AGPAT1: variants seen among roughly 807,000 people sequenced by gnomAD.
AGPAT1 encodes 1-acyl-sn-glycerol-3-phosphate acyltransferase alpha.
Under a neutral mutation model 31.2 loss-of-function variants are expected in AGPAT1, and 6 were observed. That is an observed-to-expected ratio of 0.19 (90% CI 0.11 to 0.38). The LOEUF (loss-of-function observed/expected upper bound fraction) is 0.38. Ranked by LOEUF, AGPAT1 falls within the 10% of genes least tolerant of loss-of-function variation. The probability of loss-of-function intolerance (pLI) is 1.00; values close to 1 mark genes in which losing one functional copy is unlikely to be tolerated. For missense variants in AGPAT1, 187 were observed against 377.8 expected, an observed-to-expected ratio of 0.49 and a Z score of 4.19; for synonymous variants, 139 against 154.0, an observed-to-expected ratio of 0.90 and a Z score of 0.72.
chr6:32,170,015 C>T lies in AGPAT1; in HGVS notation c.630G>A (p.Met210Ile), dbSNP rs776489092. The change falls in exon 6 of 7, where the codon ATG becomes ATA. Residue 210 changes from methionine (M) to isoleucine (I), a missense_variant. By Grantham distance (10) the Met-to-Ile change is conservative (BLOSUM62 1). Transcript: ENST00000375107. This position sits in a 1 kb window ranked among gnomAD's most constrained non-coding sequence, Gnocchi z 7.7. The part of the protein sequence containing the change: ...QAQVPIVPIV[M>I]SSYQDFYCKK... ...TGCAGTAGAAGTCTTGGTAGGAGGA[C>T]ATGACTATGGGGACAATGGGAACCT... 2 of 1,613,968 alleles carry T rather than the reference C, an allele frequency of 1.2e-6. No homozygotes were observed. The highest frequency in any genetic ancestry group is 1.1e-5 in the South Asian group (1 of 91,080).
chr6:32,174,578 T>C lies in AGPAT1; in HGVS notation c.-10+1236A>G, dbSNP rs993094769. On this transcript the variant is annotated intron_variant, in intron 1 of 6. Coordinates refer to ENST00000375107, the MANE Select transcript of AGPAT1 (RefSeq NM_006411.4). This position sits in a 1 kb window ranked among gnomAD's most constrained non-coding sequence, Gnocchi z 4.5. ...CCAACAATGGGGTTCACAGCAGGAT[T>C]GACCCTGTGACATGCATTGAGCTCA... Among the ~76,000 whole-genome samples the C allele has an allele frequency of 1.3e-5, 2 of 152,172 alleles. No individual in the cohort carries two copies. Among genetic ancestry groups the C allele is most frequent in the African/African-American group, 2.4e-5 (1 of 41,432 alleles).
chr6:32,176,444 A>G (rs1352997261), upstream of AGPAT1: 4 of 963,418 alleles, frequency 4.2e-6, no homozygotes, highest in African/African-American at 1.8e-5. Context: ...ATTCCCCCCA[A>G]CTATTCTTAA....
chr6:32,170,691 G>C lies in AGPAT1; in HGVS notation c.335-91C>G. 6.7e-7 allele frequency: 1 copy of C among 1,493,080 alleles called. No homozygotes were observed. Among genetic ancestry groups the C allele is most frequent in the South Asian group, 1.1e-5 (1 of 88,196 alleles). The allele number at this position is 1,493,080 out of a possible 1,614,324, so 92.5% of individuals were successfully genotyped here. On this transcript the variant is annotated intron_variant, in intron 3 of 6. Transcript: ENST00000375107. The surrounding 1 kb of genome is among the most constrained non-coding windows in gnomAD (Gnocchi z 7.7). ...TCACCCAGCTCATCACCCTCTGGTA[G>C]GGACTGGAGGTGAAGGAGGAGACTA... is the stretch of plus-strand genomic sequence containing the variant.
At chr6:32,176,622 A>G (rs1377642944), upstream of AGPAT1, 1 of 626,292 alleles carries the variant, frequency 1.6e-6, no homozygotes, top group Non-Finnish European at 2.0e-6. Context: ...GTCCCTCACT[A>G]TCTCCCAGCA....
Position 32,170,302 on chromosome 6 carries a change from G to T in AGPAT1, c.511-42C>A, listed in dbSNP as rs1161115244. On this transcript the variant is annotated intron_variant, in intron 4 of 6. Coordinates refer to ENST00000375107, the MANE Select transcript of AGPAT1 (RefSeq NM_006411.4). The surrounding 1 kb of genome is among the most constrained non-coding windows in gnomAD (Gnocchi z 7.7). Reference sequence around the variant, plus strand: ...GTCAAAGAAGACAAATACATATGGAGGAGTCAGAATAGGTGTGATGTTATA... The same window carrying T: ...GTCAAAGAAGACAAATACATATGGATGAGTCAGAATAGGTGTGATGTTATA... 4.4e-6 allele frequency: 7 copies of T among 1,606,496 alleles called. No individual in the cohort carries two copies. Among genetic ancestry groups the T allele is most frequent in the Non-Finnish European group, 3.4e-6 (4 of 1,175,272 alleles).
rs1398091783 is a variant in AGPAT1, at chr6:32,170,391, C to T, written c.510+34G>A. Reference sequence around the variant, plus strand: ...TATTTACAACTGTTCTACTCTGTATCCCTCCAATCCCCCATTTCCCCAGGA... The same window carrying T: ...TATTTACAACTGTTCTACTCTGTATTCCTCCAATCCCCCATTTCCCCAGGA... On this transcript the variant is annotated intron_variant, in intron 4 of 6. Transcript: ENST00000375107. This position sits in a 1 kb window ranked among gnomAD's most constrained non-coding sequence, Gnocchi z 7.7. The T allele has an allele frequency of 1.9e-6, 3 of 1,613,646 alleles. No homozygotes were observed. Among genetic ancestry groups the T allele is most frequent in the Admixed American group, 3.3e-5 (2 of 60,026 alleles).
rs1200488774 is a variant in AGPAT1 at position 32,169,932 on chromosome 6, C to T, written c.679+34G>A. The T allele has an allele frequency of 2.5e-6, 4 of 1,587,280 alleles. No individual in the cohort carries two copies. Among genetic ancestry groups the T allele is most frequent in the Non-Finnish European group, 3.5e-6 (4 of 1,157,956 alleles). On this transcript the variant is annotated intron_variant, in intron 6 of 6. Transcript: ENST00000375107. This position sits in a 1 kb window ranked among gnomAD's most constrained non-coding sequence, Gnocchi z 5.9. ...GGGATGTCCTCCCAGCCTCTCCGGA[C>T]ACACCCTACCCCAGAACTGCTCAAA...
At position 32,170,687 on chromosome 6, in the gene AGPAT1, G is replaced by A. The variant is rs1329906168; in HGVS notation, c.335-87C>T. The stretch of plus-strand genomic sequence containing the variant: ...CACCTCACCCAGCTCATCACCCTCT[G>A]GTAGGGACTGGAGGTGAAGGAGGAG... On this transcript the variant is annotated intron_variant, in intron 3 of 6. Coordinates refer to ENST00000375107, the MANE Select transcript of AGPAT1 (RefSeq NM_006411.4). The surrounding 1 kb of genome is among the most constrained non-coding windows in gnomAD (Gnocchi z 7.7). 6.6e-7 allele frequency: 1 copy of A among 1,505,810 alleles called. No individual in the cohort carries two copies. Among genetic ancestry groups the A allele is most frequent in the Non-Finnish European group, 9.1e-7 (1 of 1,098,982 alleles). The allele number at this position is 1,505,810 out of a possible 1,614,324, so 93.3% of individuals were successfully genotyped here.
At chr6:32,177,862 T>C (rs1785718999), upstream of AGPAT1, 1 of 152,178 alleles carries the variant, frequency 6.6e-6, no homozygotes, top group African/African-American at 2.4e-5. Context: ...GCCTAGGACT[T>C]TGAAGTGCAA....
At position 32,169,952 on chromosome 6, in the gene AGPAT1, C is replaced by G; in HGVS notation, c.679+14G>C. 1 of 1,610,802 alleles carries G rather than the reference C, an allele frequency of 6.2e-7. No individual in the cohort carries two copies. The highest frequency in any genetic ancestry group is 8.5e-7 in the Non-Finnish European group (1 of 1,178,384). On this transcript the variant is annotated intron_variant, in intron 6 of 6. Transcript: ENST00000375107. This position sits in a 1 kb window ranked among gnomAD's most constrained non-coding sequence, Gnocchi z 5.9. ...CCGGACACACCCTACCCCAGAACTG[C>G]TCAAAGCCCTCACCCGAGGTGAAGC...
chr6:32,169,842 G>T lies in AGPAT1; in HGVS notation c.679+124C>A, dbSNP rs982348892. On this transcript the variant is annotated intron_variant, in intron 6 of 6. Transcript: ENST00000375107. This position sits in a 1 kb window ranked among gnomAD's most constrained non-coding sequence, Gnocchi z 5.9. ...AGTAAAGACTTATTGGCTGATGTGG[G>T]GTTAGACTAGATGACTGTGTAGACA... 4 of 882,118 alleles carry T rather than the reference G, an allele frequency of 4.5e-6. No individual in the cohort carries two copies. The highest frequency in any genetic ancestry group is 4.4e-5 in the Admixed American group (2 of 45,014). 54.6% of individuals were successfully genotyped at this position (882,118 alleles called of 1,614,324 possible).
upstream of AGPAT1, chr6:32,176,241 G>A: frequency 5.1e-5 from 40 of 786,260 alleles, no homozygotes; most frequent in Non-Finnish European, 6.2e-5. Context: ...CCGCCCCAGG[G>A]CTCTCCCTCG....
At chr6:32,176,306 T>C (rs1182266965), upstream of AGPAT1, among the ~76,000 whole-genome samples, 1 of 152,184 alleles carries the variant, frequency 6.6e-6, no homozygotes, top group Non-Finnish European at 1.5e-5. Context: ...TAACTCCCTT[T>C]CAGCTCTGGA....
rs777568527 is a variant in AGPAT1, at chr6:32,168,928, G to C, written c.*348C>G. 3.1e-4 allele frequency: 106 copies of C among 339,416 alleles called. No individual in the cohort carries two copies. The highest frequency in any genetic ancestry group is 5.1e-4 in the Non-Finnish European group (93 of 182,770). The allele number at this position is 339,416 out of a possible 1,614,324, so 21.0% of individuals were successfully genotyped here. A position where few individuals can be genotyped will look rare whatever the true frequency, so the allele number is the denominator to read the frequency against. On this transcript the variant is annotated 3_prime_UTR_variant, in exon 7 of 7. Transcript: ENST00000375107. This position sits in a 1 kb window ranked among gnomAD's most constrained non-coding sequence, Gnocchi z 4.5. ...CTGGCCAATGTGGGGTAGAGGGGTA[G>C]AGAAGACCACATAGGAAGAGACTCC...
rs1445530362 is a variant in AGPAT1 at position 32,171,472 on chromosome 6, T to G, written c.25A>C (p.Met9Leu). Reference protein sequence around the residue: MDLWPGAWMLLLLLFLLLL... With the variant: MDLWPGAWLLLLLLFLLLL... The stretch of plus-strand genomic sequence containing the variant: ...AGCAGGAAGAGCAGCAGCAGCAGCA[T>G]CCATGCCCCTGGCCACAAATCCATT... The change falls in exon 2 of 7, where the codon ATG becomes CTG. Residue 9 changes from methionine to leucine, a missense_variant. Met to Leu is a conservative substitution (Grantham distance 15, BLOSUM62 2). Coordinates refer to ENST00000375107, the MANE Select transcript of AGPAT1 (RefSeq NM_006411.4). The surrounding 1 kb of genome is among the most constrained non-coding windows in gnomAD (Gnocchi z 6.9). 1.2e-6 allele frequency: 2 copies of G among 1,603,486 alleles called. No individual in the cohort carries two copies. The highest frequency in any genetic ancestry group is 8.5e-7 in the Non-Finnish European group (1 of 1,176,028).
chr6:32,177,114 T>A (rs561393910), upstream of AGPAT1: 2 of 398,654 alleles, frequency 5.0e-6, no homozygotes, highest in East Asian at 7.1e-5. Flanking sequence ...TAACTTCTCA[T>A]CTTTCCTTAC....
In AGPAT1 at chr6:32,171,515, AT is replaced by A; in HGVS notation, c.-9-11del. The stretch of plus-strand genomic sequence containing the variant: ...AATCCATTCTGGCCACCTGCAGGGG[AT>A]GGGGCAAGGGACAATCAGCCTGGTT... On this transcript the variant is annotated splice_polypyrimidine_tract_variant and intron_variant, in intron 1 of 6. Transcript: ENST00000375107. This position sits in a 1 kb window ranked among gnomAD's most constrained non-coding sequence, Gnocchi z 6.9. 6.4e-7 allele frequency: 1 copy of A among 1,559,714 alleles called. No homozygotes were observed. Among genetic ancestry groups the A allele is most frequent in the Non-Finnish European group, 8.7e-7 (1 of 1,155,558 alleles).
upstream of AGPAT1, chr6:32,176,277 G>T: frequency 3.6e-6 from 2 of 555,332 alleles, no homozygotes; most frequent in Non-Finnish European, 4.6e-6. Context: ...TCTGGCTCCA[G>T]CTGCATCTTT....
rs967530858 is a variant in AGPAT1, at chr6:32,169,335, T to C, written c.793A>G (p.Ile265Val). The C allele has an allele frequency of 1.5e-5, 24 of 1,612,838 alleles. 1 individual carries two copies. In the Admixed American group the frequency reaches 1.5e-4, roughly 10 times the overall value. ...CCACCACCCCGGCCATCAGTGGAGATTTCCCGGAAAACAGTGAGCATGGAG... is the reference window on the plus strand; with the variant it reads ...CCACCACCCCGGCCATCAGTGGAGACTTCCCGGAAAACAGTGAGCATGGAG... The part of the protein sequence containing the change: ...RHSMLTVFRE[I>V]STDGRGGGDY... The change falls in exon 7 of 7, where the codon ATC (isoleucine) becomes GTC (valine). Residue 265 changes from isoleucine (I) to valine (V), a missense_variant. Ile to Val is a conservative substitution (Grantham distance 29). Around this residue, in one of 3 missense-constraint regions of AGPAT1, gnomAD observed 29 missense variants for 33.8 expected, o/e 0.86. Transcript: ENST00000375107. The surrounding 1 kb of genome is among the most constrained non-coding windows in gnomAD (Gnocchi z 5.9).
Sources: allele counts gnomAD v4.1 joint callset (sites outside exome capture counted in the v4.1 genomes callset), GRCh38; gene constraint gnomAD v4.1.1; regional missense constraint gnomAD v4.1.1; non-coding constraint Gnocchi (gnomAD v3.1); transcripts MANE v1.5; gene names NCBI Gene and HGNC (gene_info 2026-07-23, HGNC 2026-07-21).